DNAJC5B: variants seen among roughly 807,000 people sequenced by gnomAD.
The protein encoded by DNAJC5B is dnaJ homolog subfamily C member 5B.
A neutral mutation model predicts 24.7 loss-of-function variants in DNAJC5B; 23 were observed. The ratio of observed to expected loss-of-function variants is 0.93; its 90% CI spans 0.67 to 1.32. The LOEUF (loss-of-function observed/expected upper bound fraction) is 1.32, where lower values mean the gene tolerates loss of function less well. Among genes scored for constraint, DNAJC5B ranks in the 40% most tolerant of loss-of-function variants. The pLI is 0.00. For synonymous variants in DNAJC5B, 101 were observed against 90.1 expected, an observed-to-expected ratio of 1.12 and a Z score of -0.68; for missense variants, 238 against 240.8, an observed-to-expected ratio of 0.99 and a Z score of 0.08.
At chr8:66,097,402 G>A (rs1403069317) in intron 5 of DNAJC5B, among the ~76,000 whole-genome samples, 2 of 151,658 alleles carry the variant, frequency 1.3e-5, no homozygotes, top group South Asian at 2.1e-4. Context: ...TTTGTAACAC[G>A]TTAACCCTGA....
intron 3 of DNAJC5B, among the ~76,000 whole-genome samples, chr8:66,064,017 T>C (rs1163722596): frequency 6.6e-6 from 1 of 152,180 alleles, no homozygotes; most frequent in African/African-American, 2.4e-5. Context: ...TGTCATCTTC[T>C]TGGGGGTGAA....
chr8:66,094,705 A>C (rs1214624624), intron 5 of DNAJC5B, among the ~76,000 whole-genome samples: 1 of 152,076 alleles, frequency 6.6e-6, no homozygotes, highest in Non-Finnish European at 1.5e-5. Flanking sequence ...AAAATGTTGA[A>C]GAGAAGGTAC....
chr8:66,090,886 A>G (rs967752198), intron 5 of DNAJC5B, among the ~76,000 whole-genome samples: 5 of 152,188 alleles, frequency 3.3e-5, no homozygotes, highest in Non-Finnish European at 5.9e-5. Flanking sequence ...AATACATGGA[A>G]AACAATGCTT....
intron 5 of DNAJC5B, among the ~76,000 whole-genome samples, chr8:66,086,915 C>A (rs1464382025): frequency 1.3e-5 from 2 of 152,152 alleles, no homozygotes; most frequent in Non-Finnish European, 2.9e-5. Flanking sequence ...ATGGGGCAAT[C>A]TTTACTCCAG....
At chr8:66,090,246 C>T (rs1304360327) in intron 5 of DNAJC5B, among the ~76,000 whole-genome samples, 1 of 137,820 alleles carries the variant, frequency 7.3e-6, no homozygotes, top group Non-Finnish European at 1.6e-5. Flanking sequence ...TGTGTGCGTG[C>T]AGGCATGTGT....
intron 2 of DNAJC5B, among the ~76,000 whole-genome samples, chr8:66,049,780 C>A (rs1293398506): frequency 1.3e-5 from 2 of 152,192 alleles, no homozygotes; most frequent in African/African-American, 4.8e-5. Context: ...AAGTAGGAAG[C>A]AATCAAAGTG....
chr8:66,101,124 CT>C lies in DNAJC5B; in HGVS notation c.*1099del, dbSNP rs796787236. ...ATAATATTGTATAAAATGCCTTTAT[CT>C]TTTTTCTTGTTTCTTATTCCCACCC... is the stretch of plus-strand genomic sequence containing the variant. On this transcript the variant is annotated 3_prime_UTR_variant, in exon 6 of 6. Coordinates refer to ENST00000276570, the MANE Select transcript of DNAJC5B (RefSeq NM_033105.6). Among the ~76,000 whole-genome samples, 3 of 152,080 alleles carry C rather than the reference CT, an allele frequency of 2.0e-5. No individual in the cohort carries two copies. The highest frequency in any genetic ancestry group is 7.2e-5 in the African/African-American group (3 of 41,490).
At chr8:66,052,971 A>C (rs1053982871) in intron 3 of DNAJC5B, among the ~76,000 whole-genome samples, 3 of 152,094 alleles carry the variant, frequency 2.0e-5, no homozygotes, top group Non-Finnish European at 4.4e-5. Flanking sequence ...GCTGGAGTGC[A>C]GTGGTCTGAT....
chr8:66,017,040 T>C (rs1054689266), upstream of DNAJC5B, among the ~76,000 whole-genome samples: 1 of 152,100 alleles, frequency 6.6e-6, no homozygotes, highest in Non-Finnish European at 1.5e-5. Flanking sequence ...TTCCTATATA[T>C]AACTTTCTGT....
At chr8:66,065,955 T>C (rs1807183651) in intron 3 of DNAJC5B, among the ~76,000 whole-genome samples, 1 of 152,086 alleles carries the variant, frequency 6.6e-6, no homozygotes, top group African/African-American at 2.4e-5. Context: ...ACCACAAAGC[T>C]CCATCTTATC....
At chr8:66,071,113 A>G (rs999332879) in intron 3 of DNAJC5B, among the ~76,000 whole-genome samples, 2 of 152,228 alleles carry the variant, frequency 1.3e-5, no homozygotes, top group African/African-American at 4.8e-5. Context: ...AGGAAAACCT[A>G]GGCAATACCA....
chr8:66,084,783 C>T (rs904708756), intron 5 of DNAJC5B, among the ~76,000 whole-genome samples: 2 of 152,262 alleles, frequency 1.3e-5, no homozygotes, highest in African/African-American at 4.8e-5. Context: ...TGTTATTATG[C>T]CCTTTTCCTG....
intron 1 of DNAJC5B, among the ~76,000 whole-genome samples, chr8:66,040,296 AG>A (rs1806580336): frequency 6.6e-6 from 1 of 152,144 alleles, no homozygotes; most frequent in African/African-American, 2.4e-5. Context: ...AGGCTGAGGC[AG>A]GGGAATCACC....
At position 66,100,119 on chromosome 8, in the gene DNAJC5B, G is replaced by A; in HGVS notation, c.*88G>A. The A allele has an allele frequency of 9.2e-7, 1 of 1,090,514 alleles. No homozygotes were observed. Among genetic ancestry groups the A allele is most frequent in the East Asian group, 2.6e-5 (1 of 38,888 alleles). The allele number at this position is 1,090,514 out of a possible 1,614,324, so 67.6% of individuals were successfully genotyped here. ...TAGGGGAGCGTGTGGGGCATAAAGT[G>A]CTGTGAACTTTTCCATCTTGTTGTT... is the stretch of plus-strand genomic sequence containing the variant. On this transcript the variant is annotated 3_prime_UTR_variant, in exon 6 of 6. Transcript: ENST00000276570.
At chr8:66,029,579 T>C (rs182326799) in intron 1 of DNAJC5B, among the ~76,000 whole-genome samples, 1 of 152,282 alleles carries the variant, frequency 6.6e-6, no homozygotes, top group Non-Finnish European at 1.5e-5. Flanking sequence ...GACTGTCAGT[T>C]AGGAGGCTGG....
rs899503452 is a variant in DNAJC5B, at chr8:66,049,087, A to G, written c.-17-2444A>G. Among the ~76,000 whole-genome samples, 4 of 152,238 alleles carry G rather than the reference A, an allele frequency of 2.6e-5. No individual in the cohort carries two copies. In the South Asian group the frequency reaches 6.2e-4, roughly 24 times the overall value. ...CAACCTCTCTGAAGACCTAGCCCAC[A>G]CTTTAGGCTTCTGAATAAATACTGT... On this transcript the variant is annotated intron_variant, in intron 2 of 5. Transcript: ENST00000276570.
At chr8:66,034,546 C>A (rs74965764) in intron 1 of DNAJC5B, among the ~76,000 whole-genome samples, 8,333 of 151,762 alleles carry the variant, frequency 0.055, 338 homozygotes, top group Middle Eastern at 0.11. Flanking sequence ...GTAAGCATCA[C>A]GTGCATGAGG....
Position 66,100,027 on chromosome 8 carries a change from C to G in DNAJC5B, c.596C>G (p.Ser199Cys). 1.9e-6 allele frequency: 3 copies of G among 1,613,702 alleles called. No individual in the cohort carries two copies. Among genetic ancestry groups the G allele is most frequent in the Non-Finnish European group, 1.7e-6 (2 of 1,179,782 alleles). The stretch of plus-strand genomic sequence containing the variant: ...GGATCTCGAAGTTATTGCACAGACT[C>G]TTGATATTGAGCCCTCAGAGAGTCC... ...KEGSRSYCTD[S>C] The change falls in exon 6 of 6, where the codon TCT becomes TGT. Residue 199 changes from serine to cysteine, a missense_variant. Transcript: ENST00000276570.
intron 3 of DNAJC5B, among the ~76,000 whole-genome samples, chr8:66,070,237 G>C (rs777075929): frequency 6.6e-5 from 10 of 152,036 alleles, no homozygotes; most frequent in Non-Finnish European, 1.2e-4. Context: ...AAGAAATAAA[G>C]GTATTCAAAT....
Sources: gnomAD v4.1 joint callset for allele counts (sites outside exome capture counted in the v4.1 genomes callset) on GRCh38, gnomAD v4.1.1 for gene constraint, MANE v1.5 for transcripts, NCBI Gene and HGNC (gene_info 2026-07-23, HGNC 2026-07-21) for gene names.